AMY2B: variants seen among roughly 807,000 people sequenced by gnomAD.
AMY2B encodes the protein amylase alpha 2B.
A neutral mutation model predicts 59.3 loss-of-function variants in AMY2B; 63 were observed. The observed-to-expected ratio is 1.06, with a 90% CI of 0.87 to 1.31. The LOEUF (loss-of-function observed/expected upper bound fraction) is 1.31. Among genes scored for constraint, AMY2B ranks in the 50% most tolerant of loss-of-function variants. The pLI is 0.00. For synonymous variants in AMY2B, 180 were observed against 198.1 expected (o/e 0.91, Z 0.77); for missense variants, 635 against 626.7 (o/e 1.01, Z -0.14).
upstream of AMY2B, chr1:103,571,358 T>A: frequency 4.8e-6 from 5 of 1,052,322 alleles, no homozygotes; most frequent in Non-Finnish European, 6.7e-6. Flanking sequence ...TCATTGTGTA[T>A]GGAAAAATAA....
At chr1:103,579,112 G>A (rs1652476346) in intron 9 of AMY2B, among the ~76,000 whole-genome samples, 199 bp from the exon 10 acceptor site, 1 of 152,142 alleles carries the variant, frequency 6.6e-6, no homozygotes. Flanking sequence ...CTACGGACCA[G>A]GGAACTGCTA....
chr1:103,575,951 A>T (rs1038714330), intron 7 of AMY2B, among the ~76,000 whole-genome samples: 6 of 152,160 alleles, frequency 3.9e-5, no homozygotes, highest in African/African-American at 1.4e-4. Context: ...AAATATTTTT[A>T]AAAAGTTATA....
Position 103,577,613 on chromosome 1 carries a change from G to C in AMY2B, c.1220+5G>C. 2 of 1,611,856 alleles carry C rather than the reference G, an allele frequency of 1.2e-6. No individual in the cohort carries two copies. Among genetic ancestry groups the C allele is most frequent in the African/African-American group, 1.3e-5 (1 of 74,942 alleles). On this transcript the variant is annotated splice_donor_5th_base_variant and intron_variant, in intron 8 of 9. Coordinates refer to ENST00000684275, the MANE Select transcript of AMY2B (RefSeq NM_001387437.1). Reference sequence around the variant, plus strand: ...ACATCGATGGCGCCAAATAAGGTGAGAATATGTATTTAGACATGTCCTCTA... The same window carrying C: ...ACATCGATGGCGCCAAATAAGGTGACAATATGTATTTAGACATGTCCTCTA...
intron 9 of AMY2B, among the ~76,000 whole-genome samples, chr1:103,578,354 T>C (rs1428041025): frequency 6.6e-6 from 1 of 152,190 alleles, no homozygotes; most frequent in African/African-American, 2.4e-5. Context: ...GCATAAATAA[T>C]ATGTATCTTG....
intron 2 of AMY2B, among the ~76,000 whole-genome samples, chr1:103,572,797 G>T (rs576588298): frequency 6.6e-6 from 1 of 152,062 alleles, no homozygotes; most frequent in East Asian, 1.9e-4. Context: ...CCCGAAATGG[G>T]CTTTTTGCAT....
intron 1 of AMY2B, among the ~76,000 whole-genome samples, chr1:103,556,215 G>T (rs1651543255): frequency 6.6e-6 from 1 of 152,176 alleles, no homozygotes; most frequent in African/African-American, 2.4e-5. Flanking sequence ...AGTGGTATCA[G>T]TCAATGTGGT....
intron 5 of AMY2B, among the ~76,000 whole-genome samples, 161 bp from the exon 6 acceptor site, chr1:103,575,062 A>G (rs201654408): frequency 3.2e-3 from 44 of 13,794 alleles, no homozygotes; most frequent in South Asian, 0.026. Flanking sequence ...GTGTGTATGT[A>G]TATATATATA....
chr1:103,572,920 G>C (rs1652192527), intron 2 of AMY2B, 143 bp from the exon 3 acceptor site: 1 of 1,503,048 alleles, frequency 6.7e-7, no homozygotes, highest in Non-Finnish European at 9.1e-7. Flanking sequence ...CTTCACAGTT[G>C]ATTTTTGATC....
At position 103,573,123 on chromosome 1, in the gene AMY2B, A is replaced by G. The variant is rs1036967333; in HGVS notation, c.376A>G (p.Thr126Ala). ...GTCTGGTAATGCTGTGAGTGCAGGAACAAGCAGTACCTGTGGAAGTTACTT... is the reference window on the plus strand; with the variant it reads ...GTCTGGTAATGCTGTGAGTGCAGGAGCAAGCAGTACCTGTGGAAGTTACTT... ...HMSGNAVSAG[T>A]SSTCGSYFNP... Residue 126 changes from threonine to alanine, a missense_variant, in exon 3 of 10, where the codon ACA becomes GCA. Transcript: ENST00000684275. The G allele has an allele frequency of 1.2e-6, 2 of 1,613,690 alleles. No individual in the cohort carries two copies. Among genetic ancestry groups the G allele is most frequent in the Non-Finnish European group, 1.7e-6 (2 of 1,179,754 alleles).
chr1:103,569,482 C>A (rs190701357), upstream of AMY2B: 3 of 222,636 alleles, frequency 1.3e-5, no homozygotes, highest in Non-Finnish European at 2.7e-5. Flanking sequence ...TAAGAAAAAA[C>A]CAGTCACCTC....
chr1:103,572,061 A>G, intron 1 of AMY2B, 49 bp from the exon 2 acceptor site: 1 of 1,610,294 alleles, frequency 6.2e-7, no homozygotes, highest in East Asian at 2.2e-5. Flanking sequence ...AGAACATTCA[A>G]TGATATAGAG....
intron 3 of AMY2B, 45 bp from the exon 4 acceptor site, chr1:103,573,663 A>C: frequency 6.2e-7 from 1 of 1,610,820 alleles, no homozygotes; most frequent in South Asian, 1.1e-5. Context: ...TCTCATGTGA[A>C]AAATGAGGTT....
chr1:103,575,080 ATATATC>A, intron 5 of AMY2B, 137 bp from the exon 6 acceptor site: 1 of 927,796 alleles, frequency 1.1e-6, no homozygotes, highest in Non-Finnish European at 1.5e-6. Context: ...ATATATATAT[ATATATC>A]TTACAGAATA....
intron 9 of AMY2B, among the ~76,000 whole-genome samples, chr1:103,578,664 C>A (rs1361741590): frequency 6.6e-6 from 1 of 151,994 alleles, no homozygotes; most frequent in Admixed American, 6.6e-5. Context: ...TAATTTCTTT[C>A]TTTTGTGGAT....
intron 1 of AMY2B, among the ~76,000 whole-genome samples, chr1:103,560,788 A>C (rs577804126): frequency 2.0e-5 from 3 of 152,162 alleles, no homozygotes; most frequent in Admixed American, 6.5e-5. Flanking sequence ...TTTAAAAATT[A>C]ATCAGATTAA....
chr1:103,575,455 C>G lies in AMY2B; in HGVS notation c.1016C>G (p.Ala339Gly), dbSNP rs145913863. The change falls in exon 7 of 10, where the codon GCA becomes GGA. Residue 339 changes from alanine (A) to glycine (G), a missense_variant. Coordinates refer to ENST00000684275, the MANE Select transcript of AMY2B (RefSeq NM_001387437.1). The part of the protein sequence containing the change: ...TFWDARLYKM[A>G]VGFMLAHPYG... ...GTAACTTTCAGGCTGTATAAAATGG[C>G]AGTTGGATTTATGCTTGCTCATCCT... The G allele has an allele frequency of 6.2e-7, 1 of 1,613,422 alleles. No individual in the cohort carries two copies. Among genetic ancestry groups the G allele is most frequent in the South Asian group, 1.1e-5 (1 of 91,030 alleles).
At chr1:103,573,000 C>G (rs1652195820) in intron 2 of AMY2B, 63 bp from the exon 3 acceptor site, 2 of 1,610,880 alleles carry the variant, frequency 1.2e-6, no homozygotes, top group Admixed American at 1.7e-5. Flanking sequence ...AAACTTGAAT[C>G]AATAATGCTT....
chr1:103,574,088 C>T (rs1281646554), intron 4 of AMY2B, 150 bp downstream of exon 4: 15 of 1,498,716 alleles, frequency 1.0e-5, no homozygotes, highest in Non-Finnish European at 1.3e-5. Flanking sequence ...TACAGCATAT[C>T]TAATTCTTTA....
intron 5 of AMY2B, among the ~76,000 whole-genome samples, chr1:103,574,639 A>G (rs1260841167): frequency 1.3e-5 from 2 of 152,170 alleles, no homozygotes; most frequent in African/African-American, 2.4e-5. Flanking sequence ...CGAGATGAAT[A>G]TACTGGATTT....
Sources: gnomAD v4.1 joint callset for allele counts (sites outside exome capture counted in the v4.1 genomes callset) on GRCh38, gnomAD v4.1.1 for gene constraint, MANE v1.5 for transcripts, NCBI Gene and HGNC (gene_info 2026-07-23, HGNC 2026-07-21) for gene names.